STAT4: variants seen among roughly 807,000 people sequenced by gnomAD.
The protein encoded by STAT4 is signal transducer and activator of transcription 4.
In STAT4, 42 loss-of-function variants were observed where a neutral mutation model predicts 110.5. That is an observed-to-expected ratio of 0.38 (90% CI 0.30 to 0.49). The LOEUF is 0.49. STAT4 is among the 20% of genes least tolerant of loss of function. The pLI is 0.95. For missense variants in STAT4, 632 were observed against 887.9 expected (o/e 0.71, Z 3.66); for synonymous variants, 284 against 302.2 (o/e 0.94, Z 0.63).
chr2:191,141,101 G>A (rs1012310995), intron 3 of STAT4, among the ~76,000 whole-genome samples: 2 of 151,700 alleles, frequency 1.3e-5, no homozygotes, highest in Admixed American at 1.3e-4. Context: ...TGGGAGCGGG[G>A]GGTGAGGGAT....
At chr2:191,044,034 G>T (rs1696280163) in intron 14 of STAT4, among the ~76,000 whole-genome samples, 1 of 147,008 alleles carries the variant, frequency 6.8e-6, no homozygotes, top group South Asian at 2.1e-4. Flanking sequence ...AAAGGCGGGG[G>T]TGGGGTGGGG....
intron 13 of STAT4, among the ~76,000 whole-genome samples, chr2:191,057,606 T>TA (rs1696739585): frequency 6.7e-6 from 1 of 148,294 alleles, no homozygotes; most frequent in Admixed American, 6.7e-5. Flanking sequence ...CTTTTTCTTT[T>TA]TTTTTTTTTT....
intron 7 of STAT4, 26 bp from the exon 8 acceptor site, chr2:191,064,984 A>C (rs1313238671): frequency 6.6e-7 from 1 of 1,511,510 alleles, no homozygotes; most frequent in South Asian, 1.3e-5. Context: ...ACTACTGAAG[A>C]GAGTTTCATA....
chr2:191,108,181 C>T (rs1300261369), intron 3 of STAT4, among the ~76,000 whole-genome samples: 1 of 151,574 alleles, frequency 6.6e-6, no homozygotes, highest in Non-Finnish European at 1.5e-5. Context: ...ATCCCAGCTA[C>T]TTGGGATGTT....
At chr2:191,034,781 A>G (rs1695999205) in intron 17 of STAT4, among the ~76,000 whole-genome samples, 184 bp from the exon 18 acceptor site, 1 of 152,208 alleles carries the variant, frequency 6.6e-6, no homozygotes, top group African/African-American at 2.4e-5. Flanking sequence ...TAAGAAATTT[A>G]TTATCTAGAA....
chr2:191,071,794 G>T (rs1369419091), intron 5 of STAT4, among the ~76,000 whole-genome samples: 1 of 152,218 alleles, frequency 6.6e-6, no homozygotes, highest in East Asian at 1.9e-4. Context: ...CTGGGACAGG[G>T]ATCAGCTACA....
chr2:191,061,430 T>C lies in STAT4; in HGVS notation c.1034+299A>G, dbSNP rs1339976404. Among the ~76,000 whole-genome samples the C allele has an allele frequency of 6.6e-6, 1 of 152,148 alleles. No individual in the cohort carries two copies. The highest frequency in any genetic ancestry group is 1.9e-4 in the East Asian group (1 of 5,190). ...ACAATCCTCCTCCCCTCTCCCAATC[T>C]CTCCAGTCTTTTCTCAAGTCAACCT... On this transcript the variant is annotated intron_variant, in intron 10 of 23. Transcript: ENST00000392320. This position sits in a 1 kb window ranked among gnomAD's most constrained non-coding sequence, Gnocchi z 6.2.
rs567087735 is a variant in STAT4 at position 191,069,205 on chromosome 2, G to A, written c.544+488C>T. 4.6e-5 allele frequency among the ~76,000 whole-genome samples: 7 copies of A among 151,998 alleles called. No individual in the cohort carries two copies. In the East Asian group the frequency reaches 9.6e-4, roughly 21 times the overall value. On this transcript the variant is annotated intron_variant, in intron 6 of 23. Coordinates refer to ENST00000392320, the MANE Select transcript of STAT4 (RefSeq NM_003151.4). ...TTATCTGTAGATAGTGCGATTTCAC[G>A]AGATTTTTATTTTTTTAATGCTTTT...
chr2:191,128,866 AG>A (rs1323604892), intron 3 of STAT4, among the ~76,000 whole-genome samples: 1 of 152,236 alleles, frequency 6.6e-6, no homozygotes, highest in African/African-American at 2.4e-5. Context: ...ATATCAGACA[AG>A]ATGGCCTGTT....
At chr2:191,115,044 A>T (rs1283334527) in intron 3 of STAT4, among the ~76,000 whole-genome samples, 1 of 151,464 alleles carries the variant, frequency 6.6e-6, no homozygotes, top group Non-Finnish European at 1.5e-5. Flanking sequence ...TTTTTTTACA[A>T]CAAGTATGAA....
At chr2:191,034,969 G>T (rs1000636774) in intron 17 of STAT4, among the ~76,000 whole-genome samples, 1 of 152,190 alleles carries the variant, frequency 6.6e-6, no homozygotes, top group Non-Finnish European at 1.5e-5. Flanking sequence ...GACAGGAAGA[G>T]CTGCCTAATG....
At chr2:191,080,553 T>G (rs1270978361) in intron 3 of STAT4, among the ~76,000 whole-genome samples, 2 of 152,114 alleles carry the variant, frequency 1.3e-5, no homozygotes, top group East Asian at 3.8e-4. Flanking sequence ...CAGTAGAAGG[T>G]TTCAGACAAG....
rs546297081 is a variant in STAT4 at position 191,144,654 on chromosome 2, G to T, written c.273+1959C>A. Among the ~76,000 whole-genome samples the T allele has an allele frequency of 6.7e-6, 1 of 149,568 alleles. No homozygotes were observed. Among genetic ancestry groups the T allele is most frequent in the African/African-American group, 2.4e-5 (1 of 41,382 alleles). On this transcript the variant is annotated intron_variant, in intron 3 of 23. Transcript: ENST00000392320. The surrounding 1 kb of genome is among the most constrained non-coding windows in gnomAD (Gnocchi z 4.7). Reference sequence around the variant, plus strand: ...TAGAAGTGATGGTTTAACAAGGTTCGTCTGATACAACTGGCCAGAGGAGAA... The same window carrying T: ...TAGAAGTGATGGTTTAACAAGGTTCTTCTGATACAACTGGCCAGAGGAGAA...
intron 8 of STAT4, among the ~76,000 whole-genome samples, chr2:191,064,271 G>A: frequency 6.6e-6 from 1 of 152,164 alleles, no homozygotes; most frequent in South Asian, 2.1e-4. Flanking sequence ...TTACTTTTCT[G>A]TGGTAAGAGC....
intron 13 of STAT4, among the ~76,000 whole-genome samples, chr2:191,054,771 A>G (rs1214842706): frequency 6.6e-6 from 1 of 152,204 alleles, no homozygotes; most frequent in Non-Finnish European, 1.5e-5. Context: ...CTAAGACTTT[A>G]GCTTTCAGTC....
At chr2:191,109,495 A>G (rs915084696) in intron 3 of STAT4, among the ~76,000 whole-genome samples, 1 of 152,084 alleles carries the variant, frequency 6.6e-6, no homozygotes, top group Non-Finnish European at 1.5e-5. Flanking sequence ...ATAATTCAGA[A>G]ACATAGATGC....
At chr2:191,040,154 ATTC>A (rs1696149459) in intron 15 of STAT4, among the ~76,000 whole-genome samples, 1 of 152,236 alleles carries the variant, frequency 6.6e-6, no homozygotes, top group Non-Finnish European at 1.5e-5. Flanking sequence ...TCATGCACTG[ATTC>A]ATTCACGGTG....
At chr2:191,063,066 G>A (rs1696893389) in intron 8 of STAT4, 146 bp from the exon 9 acceptor site, 1 of 716,996 alleles carries the variant, frequency 1.4e-6, no homozygotes. Context: ...ATTTAGGTTA[G>A]AGACAGTTTT....
In STAT4 at chr2:191,082,409, C is replaced by T. The variant is rs890274407; in HGVS notation, c.274-6084G>A. ...CAGCAATTAAGATCAACATATGTTG[C>T]ACCAACAGTGCACATAATTCGATTG... On this transcript the variant is annotated intron_variant, in intron 3 of 23. Transcript: ENST00000392320. This position sits in a 1 kb window ranked among gnomAD's most constrained non-coding sequence, Gnocchi z 4.7. 1.3e-5 allele frequency among the ~76,000 whole-genome samples: 2 copies of T among 152,188 alleles called. No individual in the cohort carries two copies. Among genetic ancestry groups the T allele is most frequent in the African/African-American group, 4.8e-5 (2 of 41,446 alleles).
Sources: gnomAD v4.1 joint callset for allele counts (sites outside exome capture counted in the v4.1 genomes callset) on GRCh38, gnomAD v4.1.1 for gene constraint, Gnocchi (gnomAD v3.1) non-coding constraint, MANE v1.5 for transcripts, NCBI Gene and HGNC (gene_info 2026-07-23, HGNC 2026-07-21) for gene names.